ZNF700: variants seen among roughly 807,000 people sequenced by gnomAD.
The protein encoded by ZNF700 is zinc finger protein 700.
Under a neutral mutation model 65.3 loss-of-function variants are expected in ZNF700, and 38 were observed. The ratio of observed to expected loss-of-function variants is 0.58; its 90% CI spans 0.45 to 0.76. The LOEUF is 0.76. ZNF700 is among the 30% of genes least tolerant of loss of function. ZNF700 has a pLI of 0.00. For synonymous variants in ZNF700, 285 were observed against 290.4 expected (o/e 0.98, Z 0.19); for missense variants, 857 against 888.4 (o/e 0.96, Z 0.45).
At chr19:11,945,239 C>T (rs1015515824) in intron 1 of ZNF700, among the ~76,000 whole-genome samples, 1 of 152,168 alleles carries the variant, frequency 6.6e-6, no homozygotes, top group African/African-American at 2.4e-5. Context: ...TCTTTGTGAC[C>T]CCATATAGAG....
In ZNF700 at chr19:11,948,884, T is replaced by G. The variant is rs75607624; in HGVS notation, c.860T>G (p.Phe287Cys). The stretch of plus-strand genomic sequence containing the variant: ...GAATGTAGCAAATGTGATAAAGCAT[T>G]TCATAGTTCTAGTTCCTATCATAGA... Reference protein sequence around the residue: ...PYECSKCDKAFHSSSSYHRHE... With the variant: ...PYECSKCDKACHSSSSYHRHE... Residue 287 changes from phenylalanine to cysteine, a missense_variant, in exon 4 of 4, where the codon TTT (phenylalanine) becomes TGT (cysteine). Around this residue, in one of 3 missense-constraint regions of ZNF700, gnomAD observed 603 missense variants for 619.9 expected, o/e 0.97. Coordinates refer to ENST00000254321, the MANE Select transcript of ZNF700 (RefSeq NM_144566.3). 2.9e-3 allele frequency: 4,579 copies of G among 1,602,966 alleles called. 138 individuals are homozygous for G. In the Admixed American group the frequency reaches 0.057, roughly 20 times the overall value.
In ZNF700 at chr19:11,941,295, G is replaced by A. The variant is rs183009851; in HGVS notation, c.64-5886G>A. 9.3e-4 allele frequency among the ~76,000 whole-genome samples: 142 copies of A among 152,358 alleles called. 1 individual carries two copies. The highest frequency in any genetic ancestry group is 6.8e-3 in the Middle Eastern group (2 of 294). Reference sequence around the variant, plus strand: ...CCTGCCAGTCCCGCGCCATGCGCCCGCACTCCTCAGCCCTTGGGTGGTTGA... The same window carrying A: ...CCTGCCAGTCCCGCGCCATGCGCCCACACTCCTCAGCCCTTGGGTGGTTGA... On this transcript the variant is annotated intron_variant, in intron 1 of 3. Coordinates refer to ENST00000254321, the MANE Select transcript of ZNF700 (RefSeq NM_144566.3).
At chr19:11,938,547 C>T (rs1407494089) in intron 1 of ZNF700, among the ~76,000 whole-genome samples, 1 of 152,148 alleles carries the variant, frequency 6.6e-6, no homozygotes, top group African/African-American at 2.4e-5. Context: ...ATCCATGTCC[C>T]TACAAAGGAC....
intron 1 of ZNF700, among the ~76,000 whole-genome samples, chr19:11,934,079 C>T (rs1021801826): frequency 1.4e-5 from 2 of 147,822 alleles, no homozygotes; most frequent in African/African-American, 5.3e-5. Flanking sequence ...TGTGATGCCT[C>T]ATCCCTAAAT....
chr19:11,936,311 A>G (rs1005973766), intron 1 of ZNF700, among the ~76,000 whole-genome samples: 4 of 152,162 alleles, frequency 2.6e-5, no homozygotes, highest in African/African-American at 9.7e-5. Context: ...CCAACAGTGT[A>G]AAAGTGTTCC....
At chr19:11,943,251 G>C (rs1232872515) in intron 1 of ZNF700, among the ~76,000 whole-genome samples, 1 of 152,146 alleles carries the variant, frequency 6.6e-6, no homozygotes, top group Non-Finnish European at 1.5e-5. Flanking sequence ...CTATGTTTTT[G>C]ACTACTTGCC....
chr19:11,937,331 C>T (rs1353780510), intron 1 of ZNF700, among the ~76,000 whole-genome samples: 2 of 152,040 alleles, frequency 1.3e-5, no homozygotes, highest in African/African-American at 2.4e-5. Flanking sequence ...TTGTATGCCA[C>T]CATGTCTAAT....
intron 1 of ZNF700, among the ~76,000 whole-genome samples, chr19:11,928,681 G>A (rs912554378): frequency 1.3e-4 from 18 of 141,220 alleles, no homozygotes; most frequent in African/African-American, 4.6e-4. Context: ...GCAGTGAGCC[G>A]AGATCCCGCC....
intron 1 of ZNF700, among the ~76,000 whole-genome samples, chr19:11,930,995 G>A (rs374715755): frequency 7.2e-6 from 1 of 139,224 alleles, no homozygotes. Flanking sequence ...ACAAAATTCC[G>A]TCTCAAAAAA....
intron 1 of ZNF700, among the ~76,000 whole-genome samples, chr19:11,929,483 C>G (rs1407649353): frequency 6.7e-6 from 1 of 148,216 alleles, no homozygotes; most frequent in African/African-American, 2.6e-5. Flanking sequence ...GTTCAAACAG[C>G]CTATGTAGGT....
rs1599295247 is a variant in ZNF700, at chr19:11,948,902, A to G, written c.878A>G (p.Tyr293Cys). Residue 293 changes from tyrosine (Y) to cysteine (C), a missense_variant, in exon 4 of 4, where the codon TAT becomes TGT. Physicochemically the swap from Tyr to Cys is radical, Grantham distance 194 (BLOSUM62 -2). This residue lies in a region of ZNF700 where 603 missense variants were observed against 619.9 expected (regional missense o/e 0.97). Transcript: ENST00000254321. ...CDKAFHSSSS[Y>C]HRHERSHMGE... Reference sequence around the variant, plus strand: ...AAAGCATTTCATAGTTCTAGTTCCTATCATAGACATGAAAGAAGTCACATG... The same window carrying G: ...AAAGCATTTCATAGTTCTAGTTCCTGTCATAGACATGAAAGAAGTCACATG... 6.2e-7 allele frequency: 1 copy of G among 1,604,042 alleles called. No homozygotes were observed. The highest frequency in any genetic ancestry group is 8.5e-7 in the Non-Finnish European group (1 of 1,177,794).
At chr19:11,933,150 C>G (rs1972740117) in intron 1 of ZNF700, among the ~76,000 whole-genome samples, 2 of 147,142 alleles carry the variant, frequency 1.4e-5, no homozygotes, top group South Asian at 4.2e-4. Context: ...AGGTGCTGTG[C>G]CTCATACCTG....
rs1309464886 is a variant in ZNF700, at chr19:11,950,650, C to T, written c.*397C>T. On this transcript the variant is annotated 3_prime_UTR_variant, in exon 4 of 4. Transcript: ENST00000254321. ...CAGTATGGGAAAGCCTTCAGATCTG[C>T]CAAGATTCTTTGAATACAGATAATT... 3 of 335,638 alleles carry T rather than the reference C, an allele frequency of 8.9e-6. No individual in the cohort carries two copies. Among genetic ancestry groups the T allele is most frequent in the South Asian group, 6.2e-5 (2 of 32,100 alleles). 20.8% of individuals were successfully genotyped at this position (335,638 alleles called of 1,614,324 possible).
chr19:11,946,092 T>C (rs2145297945), intron 1 of ZNF700, among the ~76,000 whole-genome samples: 1 of 152,288 alleles, frequency 6.6e-6, no homozygotes, highest in African/African-American at 2.4e-5. Context: ...CTGAGCCTGG[T>C]CCCCCTTAGT....
At chr19:11,928,731 C>CAAAA (rs779525520) in intron 1 of ZNF700, among the ~76,000 whole-genome samples, 5 of 53,398 alleles carry the variant, frequency 9.4e-5, no homozygotes, top group Admixed American at 2.0e-4. Context: ...GACTCCGTCT[C>CAAAA]AAAAAAAAAA....
At position 11,931,144 on chromosome 19, in the gene ZNF700, CTATCTT is replaced by C. The variant is rs1412985018; in HGVS notation, c.63+5872_63+5877del. Among the ~76,000 whole-genome samples the C allele has an allele frequency of 2.0e-5, 3 of 148,260 alleles. 1 individual carries two copies. Among genetic ancestry groups the C allele is most frequent in the Admixed American group, 6.6e-5 (1 of 15,060 alleles). ...AGTGTGTAGTAGGGATAGTGCCTCT[CTATCTT>C]AGTCATCTTGGGCTGCTATATCAAA... On this transcript the variant is annotated intron_variant, in intron 1 of 3. Transcript: ENST00000254321.
intron 1 of ZNF700, among the ~76,000 whole-genome samples, chr19:11,928,180 C>G (rs1487608428): frequency 6.6e-6 from 1 of 152,010 alleles, no homozygotes; most frequent in East Asian, 1.9e-4. Context: ...GAGGTTAGGT[C>G]TCGTTATGTT....
In ZNF700 at chr19:11,947,163, A is replaced by C. The variant is rs764046186; in HGVS notation, c.64-18A>C. 8.1e-6 allele frequency: 13 copies of C among 1,612,178 alleles called. No homozygotes were observed. The East Asian group carries it at 2.9e-4, about 36-fold the overall frequency. Reference sequence around the variant, plus strand: ...GTCACTCTCACCCATCTTCCTCTACACATGTGAGATGTTTCAGGACCCAGT... The same window carrying C: ...GTCACTCTCACCCATCTTCCTCTACCCATGTGAGATGTTTCAGGACCCAGT... On this transcript the variant is annotated intron_variant, in intron 1 of 3. Coordinates refer to ENST00000254321, the MANE Select transcript of ZNF700 (RefSeq NM_144566.3).
At position 11,948,874 on chromosome 19, in the gene ZNF700, G is replaced by A. The variant is rs368199825; in HGVS notation, c.850G>A (p.Asp284Asn). Reference protein sequence around the residue: ...GEKPYECSKCDKAFHSSSSYH... With the variant: ...GEKPYECSKCNKAFHSSSSYH... ...GAAGCCCTATGAATGTAGCAAATGT[G>A]ATAAAGCATTTCATAGTTCTAGTTC... Residue 284 changes from aspartate to asparagine, a missense_variant, in exon 4 of 4, where the codon GAT becomes AAT. Transcript: ENST00000254321. The A allele has an allele frequency of 5.6e-6, 9 of 1,603,732 alleles. No individual in the cohort carries two copies. In the South Asian group the frequency reaches 7.9e-5, roughly 14 times the overall value.
Sources: allele counts gnomAD v4.1 joint callset (sites outside exome capture counted in the v4.1 genomes callset), GRCh38; gene constraint gnomAD v4.1.1; regional missense constraint gnomAD v4.1.1; transcripts MANE v1.5; gene names NCBI Gene and HGNC (gene_info 2026-07-23, HGNC 2026-07-21).